RBFOX1: variants seen among roughly 807,000 people sequenced by gnomAD.
RBFOX1 encodes the protein RNA binding fox-1 homolog 1.
In RBFOX1, 8 loss-of-function variants were observed where a neutral mutation model predicts 57.7. That is an observed-to-expected ratio of 0.14 (90% confidence interval 0.08 to 0.25). The LOEUF (loss-of-function observed/expected upper bound fraction) is 0.25, where lower values mean the gene tolerates loss of function less well. RBFOX1 is among the 10% of genes least tolerant of loss of function. The pLI is 1.00. For missense variants in RBFOX1, 611 were observed against 548.5 expected (o/e 1.11, Z -1.14); for synonymous variants, 326 against 222.4 (o/e 1.47, Z -4.15).
intron 10 of RBFOX1, chr16:7,614,617 C>G (rs2058118579): frequency 6.6e-6 from 1 of 152,146 alleles, no homozygotes; most frequent in Non-Finnish European, 1.5e-5. Flanking sequence ...AGTCCTTGTA[C>G]AAGAAGCTTC....
chr16:6,721,077 C>T (rs562865160), intron 3 of RBFOX1, among the ~76,000 whole-genome samples: 2 of 152,296 alleles, frequency 1.3e-5, no homozygotes, highest in East Asian at 1.9e-4. Context: ...ATTGCCTCTT[C>T]TGATAGCTCA....
intron 4 of RBFOX1, among the ~76,000 whole-genome samples, chr16:7,125,739 A>T (rs779400282): frequency 6.6e-6 from 1 of 152,138 alleles, no homozygotes; most frequent in Non-Finnish European, 1.5e-5. Flanking sequence ...GTTTCACACA[A>T]CTATGCAAAT....
At chr16:6,516,339 C>G (rs1167611498) in intron 2 of RBFOX1, among the ~76,000 whole-genome samples, 2 of 152,190 alleles carry the variant, frequency 1.3e-5, no homozygotes, top group Non-Finnish European at 2.9e-5. Context: ...GCTATCTAAT[C>G]CTCAGTTTCT....
At chr16:6,493,727 C>G (rs1803460889) in intron 2 of RBFOX1, among the ~76,000 whole-genome samples, 1 of 152,138 alleles carries the variant, frequency 6.6e-6, no homozygotes, top group African/African-American at 2.4e-5. Context: ...GCTGGCCTGA[C>G]TCAGAATAAT....
intron 4 of RBFOX1, among the ~76,000 whole-genome samples, chr16:7,321,119 A>G (rs1044128286): frequency 7.3e-6 from 1 of 137,316 alleles, no homozygotes; most frequent in Non-Finnish European, 1.6e-5. Flanking sequence ...ATACATATAC[A>G]TATACATATA....
intron 3 of RBFOX1, among the ~76,000 whole-genome samples, chr16:6,812,696 C>T (rs118126543): frequency 1.8e-4 from 27 of 152,182 alleles, no homozygotes; most frequent in Admixed American, 1.4e-3. Context: ...TTTTTAATGC[C>T]TAAATGTGGT....
intron 3 of RBFOX1, among the ~76,000 whole-genome samples, chr16:6,967,956 C>T (rs1454599462): frequency 1.6e-4 from 24 of 152,162 alleles, no homozygotes; most frequent in African/African-American, 7.2e-5. Flanking sequence ...AGGATAAAAA[C>T]GCTCGGGGAG....
At chr16:6,940,255 C>T (rs951846011) in intron 3 of RBFOX1, among the ~76,000 whole-genome samples, 2 of 152,084 alleles carry the variant, frequency 1.3e-5, no homozygotes, top group Non-Finnish European at 2.9e-5. Context: ...ATCAGAGGGG[C>T]TTGGGCATGA....
intron 1 of RBFOX1, among the ~76,000 whole-genome samples, chr16:5,335,834 T>A (rs2064881833): frequency 1.3e-5 from 2 of 152,092 alleles, no homozygotes; most frequent in East Asian, 3.9e-4. Flanking sequence ...ATGGATCCTA[T>A]CAAAAGATGT....
chr16:5,595,617 T>G lies in RBFOX1; in HGVS notation c.259-3285T>G, dbSNP rs187752311. ...ATGGATCAGGCCAGCTCAAATGATA[T>G]GGAGGCTTATTGTAAGGATTCAGGG... On this transcript the variant is annotated intron_variant, in intron 2 of 2. Coordinates refer to the RBFOX1 transcript ENST00000585867. Among the ~76,000 whole-genome samples, 6 of 152,310 alleles carry G rather than the reference T, an allele frequency of 3.9e-5. 1 individual carries two copies. Among genetic ancestry groups the G allele is most frequent in the African/African-American group, 1.4e-4 (6 of 41,572 alleles).
intron 2 of RBFOX1, among the ~76,000 whole-genome samples, chr16:6,334,028 C>G (rs1445030729): frequency 6.6e-6 from 1 of 151,986 alleles, no homozygotes; most frequent in Admixed American, 6.6e-5. Flanking sequence ...TGACTAGACT[C>G]CGAAGGATTT....
intron 2 of RBFOX1, among the ~76,000 whole-genome samples, chr16:6,357,651 C>G (rs557020553): frequency 3.3e-5 from 5 of 152,022 alleles, no homozygotes; most frequent in East Asian, 3.9e-4. Context: ...TTTCTGAGTT[C>G]TCTACTGAGA....
chr16:5,995,697 A>G (rs961797746), intron 4 of RBFOX1, among the ~76,000 whole-genome samples: 2 of 152,176 alleles, frequency 1.3e-5, no homozygotes, highest in African/African-American at 2.4e-5. Flanking sequence ...GCTTGGTGGA[A>G]AATCTTTGAT....
At chr16:5,943,915 ACTC>A (rs1489157740) in intron 4 of RBFOX1, among the ~76,000 whole-genome samples, 1 of 148,616 alleles carries the variant, frequency 6.7e-6, no homozygotes, top group Non-Finnish European at 1.5e-5. Flanking sequence ...CCATCCATCC[ACTC>A]CTCCTCTGTC....
At chr16:7,380,730 A>G (rs2097770498) in intron 4 of RBFOX1, among the ~76,000 whole-genome samples, 1 of 152,200 alleles carries the variant, frequency 6.6e-6, no homozygotes, top group Admixed American at 6.5e-5. Context: ...TGAATATTCC[A>G]TGGCTATAGC....
At chr16:6,999,411 C>T (rs1403519416) in intron 3 of RBFOX1, among the ~76,000 whole-genome samples, 1 of 150,822 alleles carries the variant, frequency 6.6e-6, no homozygotes, top group Non-Finnish European at 1.5e-5. Flanking sequence ...TTTGGTGATA[C>T]TTAAACTCAT....
At chr16:6,441,521 A>G (rs549992773) in intron 2 of RBFOX1, among the ~76,000 whole-genome samples, 26 of 151,968 alleles carry the variant, frequency 1.7e-4, no homozygotes, top group African/African-American at 5.6e-4. Context: ...GATTCAAGCA[A>G]TTCTCCTGCC....
intron 4 of RBFOX1, among the ~76,000 whole-genome samples, chr16:5,918,656 A>C (rs577378072): frequency 6.6e-6 from 1 of 152,220 alleles, no homozygotes; most frequent in Non-Finnish European, 1.5e-5. Flanking sequence ...GGCATTCCTT[A>C]TCTCCAGGAA....
chr16:6,962,177 T>G (rs1177725930), intron 3 of RBFOX1, among the ~76,000 whole-genome samples: 2 of 152,114 alleles, frequency 1.3e-5, no homozygotes, highest in Non-Finnish European at 2.9e-5. Flanking sequence ...AAATGCTCCT[T>G]GGTTTATGGC....
Sources: gnomAD v4.1 joint callset for allele counts (sites outside exome capture counted in the v4.1 genomes callset) on GRCh38, gnomAD v4.1.1 for gene constraint, MANE v1.5 for transcripts, NCBI Gene and HGNC (gene_info 2026-07-23, HGNC 2026-07-21) for gene names.